The following FOCAD variants were observed in gnomAD, a reference collection of about 807,000 sequenced individuals.
FOCAD encodes KIAA1797.
FOCAD carries 198 observed loss-of-function variants against 225.6 expected under a neutral mutation model. The observed-to-expected ratio is 0.88, with a 90% CI of 0.78 to 0.99. The LOEUF is 0.99. Among genes scored for constraint, FOCAD ranks in the 50% least tolerant of loss-of-function variants. The pLI, the probability that FOCAD is intolerant of heterozygous loss-of-function variation, is 0.00. For missense variants in FOCAD, 2,713 were observed against 2,123.6 expected, an observed-to-expected ratio of 1.28 and a Z score of -5.46; for synonymous variants, 897 against 755.0, an observed-to-expected ratio of 1.19 and a Z score of -3.08.
upstream of FOCAD, chr9:20,658,240 T>C (rs1481444406): frequency 3.9e-5 from 6 of 154,042 alleles, no homozygotes; most frequent in African/African-American, 1.2e-4. Flanking sequence ...TGTTTGTCTG[T>C]GCCCTGCCCC....
intron 11 of FOCAD, among the ~76,000 whole-genome samples, chr9:20,791,022 T>C (rs1820472216): frequency 6.6e-6 from 1 of 152,192 alleles, no homozygotes; most frequent in South Asian, 2.1e-4. Context: ...TCTCCTTTTA[T>C]TTCCTGTAGT....
intron 2 of FOCAD, among the ~76,000 whole-genome samples, chr9:20,659,773 T>C (rs1032240964): frequency 1.3e-5 from 2 of 152,200 alleles, no homozygotes; most frequent in African/African-American, 4.8e-5. Flanking sequence ...TTTGATGGCA[T>C]TGTGAAAGCA....
intron 28 of FOCAD, among the ~76,000 whole-genome samples, chr9:20,943,076 A>G (rs1296888711): frequency 6.6e-6 from 1 of 152,266 alleles, no homozygotes; most frequent in African/African-American, 2.4e-5. Context: ...AAAGATAGCC[A>G]AAAAACTTCC....
rs560363550 is a variant in FOCAD at position 20,691,292 on chromosome 9, A to G, written c.-33+6999A>G. Among the ~76,000 whole-genome samples the G allele has an allele frequency of 1.6e-4, 24 of 151,908 alleles. 1 individual carries two copies. Among genetic ancestry groups the G allele is most frequent in the African/African-American group, 5.8e-4 (24 of 41,430 alleles). ...CTTCCCTTATTAGCAAAAATACCACAATTCCTGGTTTTCCTCCTACGTCAT... is the reference window on the plus strand; with the variant it reads ...CTTCCCTTATTAGCAAAAATACCACGATTCCTGGTTTTCCTCCTACGTCAT... On this transcript the variant is annotated intron_variant, in intron 1 of 43. Transcript: ENST00000338382.
chr9:20,752,164 T>G (rs1041086990), intron 5 of FOCAD, among the ~76,000 whole-genome samples: 25 of 151,660 alleles, frequency 1.6e-4, no homozygotes, highest in African/African-American at 5.3e-4. Context: ...TTAGTTTAAT[T>G]AGATCCCATT....
At chr9:20,836,847 G>T (rs1041884940) in intron 15 of FOCAD, among the ~76,000 whole-genome samples, 3 of 151,842 alleles carry the variant, frequency 2.0e-5, no homozygotes, top group African/African-American at 7.3e-5. Context: ...AAGGTTTGTT[G>T]CTTAAAAAGA....
intron 15 of FOCAD, among the ~76,000 whole-genome samples, chr9:20,845,832 A>T (rs1281343341): frequency 6.6e-6 from 1 of 151,958 alleles, no homozygotes; most frequent in South Asian, 2.1e-4. Context: ...TAAATTTCTG[A>T]TTCTTTCATT....
At chr9:20,760,564 T>A (rs16938156) in intron 6 of FOCAD, among the ~76,000 whole-genome samples, 4,723 of 152,320 alleles carry the variant, frequency 0.031, 259 homozygotes, top group African/African-American at 0.11. Flanking sequence ...CTCTCTTGAA[T>A]CTTACCCCAC....
rs138225243 is a variant in FOCAD, at chr9:20,857,741, G to A, written c.1921-4837G>A. Among the ~76,000 whole-genome samples the A allele has an allele frequency of 3.2e-3, 451 of 138,936 alleles. 3 individuals carry two copies. Among genetic ancestry groups the A allele is most frequent in the African/African-American group, 0.012 (433 of 37,046 alleles). 91.1% of individuals were successfully genotyped at this position (138,936 alleles called of 152,430 possible). On this transcript the variant is annotated intron_variant, in intron 15 of 43. Coordinates refer to ENST00000338382, the MANE Select transcript of FOCAD (RefSeq NM_001375567.1). ...TGATCTGTCTTATATGGCTTTTATT[G>A]TGTTAAGGTATGTTCTTTCTATACC...
chr9:20,901,192 ATGTGTGTG>A (rs71334562), intron 21 of FOCAD, among the ~76,000 whole-genome samples: 1,727 of 105,728 alleles, frequency 0.016, 35 homozygotes, highest in African/African-American at 0.047. Flanking sequence ...TGTGGAAACA[ATGTGTGTG>A]TGTGTGTGTG....
chr9:20,774,364 T>C (rs1014317216), intron 8 of FOCAD, among the ~76,000 whole-genome samples: 10 of 152,192 alleles, frequency 6.6e-5, no homozygotes, highest in Admixed American at 1.3e-4. Context: ...ATGATGTTAG[T>C]AGTTGTTGGT....
intron 11 of FOCAD, among the ~76,000 whole-genome samples, chr9:20,804,774 A>T (rs1282860911): frequency 6.6e-6 from 1 of 151,178 alleles, no homozygotes; most frequent in Non-Finnish European, 1.5e-5. Flanking sequence ...CTGGAATGAA[A>T]TATTTTAGCG....
chr9:20,780,456 C>T (rs993541611), intron 9 of FOCAD, among the ~76,000 whole-genome samples: 2 of 152,098 alleles, frequency 1.3e-5, no homozygotes, highest in South Asian at 4.1e-4. Context: ...TTCTTTCTCT[C>T]GTAAACCAAT....
At chr9:20,983,135 C>T (rs1840850748) in intron 39 of FOCAD, among the ~76,000 whole-genome samples, 1 of 152,190 alleles carries the variant, frequency 6.6e-6, no homozygotes, top group African/African-American at 2.4e-5. Context: ...TCAGCATCGC[C>T]TTGGAAATGA....
intron 11 of FOCAD, among the ~76,000 whole-genome samples, chr9:20,809,293 A>G (rs1822798515): frequency 2.0e-5 from 3 of 152,170 alleles, no homozygotes; most frequent in Admixed American, 1.3e-4. Context: ...TATCATGTGA[A>G]TGATCTATAA....
chr9:20,862,548 A>C, intron 15 of FOCAD, 30 bp from the exon 16 acceptor site: 1 of 1,607,076 alleles, frequency 6.2e-7, no homozygotes, highest in East Asian at 2.2e-5. Flanking sequence ...GAGTCTTGTT[A>C]GGTGTTGACC....
chr9:20,952,579 A>T (rs1478448118), intron 34 of FOCAD: 2 of 209,674 alleles, frequency 9.5e-6, no homozygotes, highest in East Asian at 1.7e-4. Flanking sequence ...TCGATTCCAC[A>T]TGTCCTGAAG....
intron 1 of FOCAD, among the ~76,000 whole-genome samples, chr9:20,702,986 A>G (rs4977762): frequency 0.86 from 130,638 of 152,080 alleles, 56,167 homozygotes; most frequent in Admixed American, 0.9. Flanking sequence ...CAGCCTGGGC[A>G]ACTGAGCAAG....
chr9:20,703,037 C>T (rs1259750644), intron 1 of FOCAD, among the ~76,000 whole-genome samples: 3 of 151,968 alleles, frequency 2.0e-5, no homozygotes, highest in Non-Finnish European at 4.4e-5. Context: ...CGGTCCCTGC[C>T]TTAAAGAGTT....
Sources: allele counts gnomAD v4.1 joint callset (sites outside exome capture counted in the v4.1 genomes callset), GRCh38; gene constraint gnomAD v4.1.1; transcripts MANE v1.5; gene names NCBI Gene and HGNC (gene_info 2026-07-23, HGNC 2026-07-21).